HRH1: variants seen among roughly 807,000 people sequenced by gnomAD.
HRH1 encodes the protein histamine receptor H1.
A neutral mutation model predicts 10.3 loss-of-function variants in HRH1; 6 were observed. The ratio of observed to expected loss-of-function variants is 0.58; its 90% CI spans 0.32 to 1.15. The LOEUF is 1.15. HRH1 is among the 50% of genes most tolerant of loss of function. The pLI is 0.05. For missense variants in HRH1, 514 were observed against 615.3 expected, an observed-to-expected ratio of 0.84 and a Z score of 1.74; for synonymous variants, 242 against 236.7, an observed-to-expected ratio of 1.02 and a Z score of -0.21.
chr3:11,254,424 A>T (rs1397487074), intron 1 of HRH1, among the ~76,000 whole-genome samples: 1 of 152,204 alleles, frequency 6.6e-6, no homozygotes, highest in Admixed American at 6.5e-5. Context: ...CTCTGCACTC[A>T]ATTGTGTGTC....
chr3:11,225,463 G>T (rs1477707918), intron 1 of HRH1, among the ~76,000 whole-genome samples: 1 of 152,172 alleles, frequency 6.6e-6, no homozygotes, highest in African/African-American at 2.4e-5. Context: ...ACTCCAGGTA[G>T]CCCCGAGGGA....
chr3:11,162,223 A>G (rs1936940535), intron 1 of HRH1, among the ~76,000 whole-genome samples: 1 of 152,204 alleles, frequency 6.6e-6, no homozygotes, highest in Admixed American at 6.5e-5. Flanking sequence ...TCATAGATAC[A>G]GTCACCATGC....
intron 1 of HRH1, among the ~76,000 whole-genome samples, chr3:11,237,801 G>A (rs1161226794): frequency 1.4e-5 from 2 of 147,944 alleles, no homozygotes; most frequent in African/African-American, 5.0e-5. Flanking sequence ...TCAGCCTCCC[G>A]AGTAGCTGGG....
upstream of HRH1, among the ~76,000 whole-genome samples, chr3:11,153,774 C>T (rs929041669): frequency 2.6e-5 from 4 of 152,176 alleles, no homozygotes; most frequent in Non-Finnish European, 5.9e-5. Flanking sequence ...CCCCACTCCT[C>T]CCCTTGCTGC....
chr3:11,173,840 G>A (rs75276668), intron 1 of HRH1, among the ~76,000 whole-genome samples: 1 of 152,152 alleles, frequency 6.6e-6, no homozygotes, highest in Non-Finnish European at 1.5e-5. Flanking sequence ...AGGCCAGTGT[G>A]TCTGAGCCAG....
At chr3:11,219,732 A>AG (rs921796795) in intron 1 of HRH1, among the ~76,000 whole-genome samples, 3 of 151,242 alleles carry the variant, frequency 2.0e-5, no homozygotes, top group African/African-American at 7.3e-5. Context: ...AAAAAAAAAA[A>AG]AAGGAAAGAA....
In HRH1 at chr3:11,259,715, C is replaced by T. The variant is rs776841720; in HGVS notation, c.678C>T (p.Leu226=). ...AVRQHCQHRE[L]INRSLPSFSE... is the part of the protein sequence containing the mutation. ...GACAACACTGCCAGCACCGGGAGCT[C>T]ATCAATAGGTCCCTCCCTTCCTTCT... The change falls in exon 2 of 2, where the codon CTC becomes CTT. Residue 226 remains leucine (L), a synonymous_variant. Transcript: ENST00000431010. The surrounding 1 kb of genome is among the most constrained non-coding windows in gnomAD (Gnocchi z 4.6). The T allele has an allele frequency of 6.2e-7, 1 of 1,613,970 alleles. No individual in the cohort carries two copies. The highest frequency in any genetic ancestry group is 1.1e-5 in the South Asian group (1 of 91,080).
At chr3:11,201,864 G>A (rs1937923610) in intron 1 of HRH1, among the ~76,000 whole-genome samples, 2 of 152,200 alleles carry the variant, frequency 1.3e-5, no homozygotes, top group African/African-American at 4.8e-5. Context: ...TTTCCGAGAA[G>A]TTAAAGGAAA....
chr3:11,200,394 A>T (rs1424883165), intron 1 of HRH1, among the ~76,000 whole-genome samples: 1 of 152,204 alleles, frequency 6.6e-6, no homozygotes, highest in Non-Finnish European at 1.5e-5. Flanking sequence ...GAGAGACCAT[A>T]TGGTCTGTGA....
chr3:11,246,908 ATGGTGGT>A (rs1939505650), intron 1 of HRH1, among the ~76,000 whole-genome samples: 1 of 152,150 alleles, frequency 6.6e-6, no homozygotes, highest in Admixed American at 6.6e-5. Context: ...TTACCCAGGC[ATGGTGGT>A]GCGTGCCTGT....
intron 1 of HRH1, among the ~76,000 whole-genome samples, chr3:11,197,206 A>G (rs1404632994): frequency 6.6e-6 from 1 of 151,740 alleles, no homozygotes; most frequent in Non-Finnish European, 1.5e-5. Context: ...TCCCCCGGTG[A>G]TTCATGAGCA....
chr3:11,258,910 C>A, intron 1 of HRH1, 93 bp from the exon 2 acceptor site: 1 of 862,106 alleles, frequency 1.2e-6, no homozygotes, highest in Non-Finnish European at 1.8e-6. Flanking sequence ...TCACCCCCAA[C>A]AGCATACAAC....
At chr3:11,144,462 T>G (rs1936377548) in intron 1 of HRH1, among the ~76,000 whole-genome samples, 1 of 149,814 alleles carries the variant, frequency 6.7e-6, no homozygotes, top group Non-Finnish European at 1.5e-5. Flanking sequence ...TATAGGTATA[T>G]ATACATATAG....
At chr3:11,237,664 C>CTTTTTTTTTTTTTTTTTT (rs376450222) in intron 1 of HRH1, among the ~76,000 whole-genome samples, 4 of 83,102 alleles carry the variant, frequency 4.8e-5, no homozygotes, top group Non-Finnish European at 6.6e-5. Flanking sequence ...TTTTCTTTTC[C>CTTTTTTTTTTTTTTTTTT]TTTTTTTTTT....
intron 1 of HRH1, among the ~76,000 whole-genome samples, chr3:11,188,679 G>C (rs1937492037): frequency 6.6e-6 from 1 of 152,176 alleles, no homozygotes; most frequent in Non-Finnish European, 1.5e-5. Context: ...TAATGGTTAA[G>C]TAAATTATGG....
intron 1 of HRH1, among the ~76,000 whole-genome samples, chr3:11,247,866 C>T (rs925064860): frequency 6.6e-6 from 1 of 152,114 alleles, no homozygotes; most frequent in Non-Finnish European, 1.5e-5. Context: ...TAAGTCTTTG[C>T]ACTAAACCGC....
intron 1 of HRH1, among the ~76,000 whole-genome samples, chr3:11,225,717 G>T (rs111549512): frequency 3.9e-5 from 6 of 152,160 alleles, no homozygotes; most frequent in Non-Finnish European, 8.8e-5. Context: ...ACGGAGTCTC[G>T]CTCTGTCGCC....
intron 1 of HRH1, among the ~76,000 whole-genome samples, chr3:11,248,820 C>T (rs528160488): frequency 6.6e-6 from 1 of 152,308 alleles, no homozygotes; most frequent in South Asian, 2.1e-4. Flanking sequence ...CTCATTACAC[C>T]AGGCTGTGGG....
At chr3:11,195,460 A>G (rs1937623393) in intron 1 of HRH1, among the ~76,000 whole-genome samples, 2 of 152,156 alleles carry the variant, frequency 1.3e-5, no homozygotes, top group East Asian at 1.9e-4. Context: ...TGGTTCCTCA[A>G]TCCCCCACCA....
Sources: allele counts gnomAD v4.1 joint callset (sites outside exome capture counted in the v4.1 genomes callset), GRCh38; gene constraint gnomAD v4.1.1; non-coding constraint Gnocchi (gnomAD v3.1); transcripts MANE v1.5; gene names NCBI Gene and HGNC (gene_info 2026-07-23, HGNC 2026-07-21).